Variants in MACROD2 observed in about 807,000 individuals in gnomAD.
The protein encoded by MACROD2 is ADP-ribose glycohydrolase MACROD2.
In MACROD2, 36 loss-of-function variants were observed where a neutral mutation model predicts 70.4. The observed-to-expected ratio is 0.51, with a 90% CI of 0.39 to 0.68. The LOEUF is 0.68. Among genes scored for constraint, MACROD2 ranks in the 30% least tolerant of loss-of-function variants. MACROD2 has a pLI of 0.00. For missense variants in MACROD2, 496 were observed against 538.4 expected (o/e 0.92, Z 0.78); for synonymous variants, 172 against 178.8 (o/e 0.96, Z 0.30).
At chr20:15,803,373 T>G (rs934213045) in intron 8 of MACROD2, among the ~76,000 whole-genome samples, 1 of 152,064 alleles carries the variant, frequency 6.6e-6, no homozygotes, top group African/African-American at 2.4e-5. Flanking sequence ...TAGTGTAGGA[T>G]TTTATTAATT....
At chr20:16,028,385 A>ATTG (rs2067108802) in intron 15 of MACROD2, among the ~76,000 whole-genome samples, 1 of 146,546 alleles carries the variant, frequency 6.8e-6, no homozygotes, top group Non-Finnish European at 1.5e-5. Context: ...CCTGGTGGAC[A>ATTG]TTTTTTTTTT....
At chr20:14,318,533 A>G (rs776845322) in intron 3 of MACROD2, among the ~76,000 whole-genome samples, 7 of 152,222 alleles carry the variant, frequency 4.6e-5, no homozygotes, top group Non-Finnish European at 1.0e-4. Context: ...GAAAGTTTAC[A>G]TGAGTAAAAA....
chr20:14,037,581 T>G (rs1436657846), intron 2 of MACROD2, among the ~76,000 whole-genome samples: 12 of 152,226 alleles, frequency 7.9e-5, no homozygotes, highest in Admixed American at 7.8e-4. Context: ...GGATATTTTA[T>G]TTTTGAATTT....
chr20:14,810,976 A>G (rs893674003), intron 5 of MACROD2, among the ~76,000 whole-genome samples: 1 of 152,138 alleles, frequency 6.6e-6, no homozygotes, highest in African/African-American at 2.4e-5. Flanking sequence ...ATGCTCATGG[A>G]TAGGAAGAAT....
chr20:14,988,494 C>G (rs184641228), intron 5 of MACROD2, among the ~76,000 whole-genome samples: 1 of 152,174 alleles, frequency 6.6e-6, no homozygotes, highest in East Asian at 1.9e-4. Context: ...GCATTTGACT[C>G]TCTTACAGAT....
intron 5 of MACROD2, among the ~76,000 whole-genome samples, chr20:14,797,553 T>G (rs936543665): frequency 4.6e-5 from 7 of 152,024 alleles, no homozygotes; most frequent in Admixed American, 4.6e-4. Context: ...TCTCCGTTCT[T>G]TCTCACCTAG....
chr20:15,876,111 A>ATATATATATATATATATG lies in MACROD2; in HGVS notation c.728-9652_728-9651insATATATATATATATATGT, dbSNP rs1555789655. Among the ~76,000 whole-genome samples, 290 of 138,782 alleles carry ATATATATATATATATATG rather than the reference A, an allele frequency of 2.1e-3. 2 individuals carry two copies. Among genetic ancestry groups the ATATATATATATATATATG allele is most frequent in the African/African-American group, 4.5e-3 (156 of 34,760 alleles). 91.0% of individuals were successfully genotyped at this position (138,782 alleles called of 152,430 possible). A position where few individuals can be genotyped will look rare whatever the true frequency, so the allele number is the denominator to read the frequency against. On this transcript the variant is annotated intron_variant, in intron 9 of 17. Transcript: ENST00000684519. ...GTCTTTTATATATATATATATATAT[A>ATATATATATATATATATG]TGTGTGTATTTTTTTTATTACACTG...
chr20:15,660,501 C>T (rs1403841595), intron 8 of MACROD2, among the ~76,000 whole-genome samples: 1 of 152,070 alleles, frequency 6.6e-6, no homozygotes, highest in Non-Finnish European at 1.5e-5. Context: ...TTCAAAAGCA[C>T]AACAGCAGGA....
chr20:15,383,244 A>T (rs4344978), intron 6 of MACROD2, among the ~76,000 whole-genome samples: 54,887 of 152,112 alleles, frequency 0.36, 14,428 homozygotes, highest in African/African-American at 0.75. Context: ...ATCCCCAAAC[A>T]TGTTTAAGGA....
intron 8 of MACROD2, among the ~76,000 whole-genome samples, chr20:15,567,419 A>G (rs1327324578): frequency 6.6e-6 from 1 of 152,212 alleles, no homozygotes. Context: ...CATGTGGCTC[A>G]GCACTTGAGA....
chr20:14,093,222 A>G (rs1331048324), intron 3 of MACROD2, among the ~76,000 whole-genome samples: 8 of 151,478 alleles, frequency 5.3e-5, no homozygotes, highest in Non-Finnish European at 5.9e-5. Context: ...TAGGACTACA[A>G]GCACGTGCCA....
chr20:14,529,725 G>A (rs1394686598), intron 4 of MACROD2, among the ~76,000 whole-genome samples: 2 of 152,092 alleles, frequency 1.3e-5, no homozygotes, highest in Non-Finnish European at 2.9e-5. Context: ...TTGGGATTTT[G>A]GTAAAAGAAG....
intron 10 of MACROD2, among the ~76,000 whole-genome samples, chr20:15,890,827 C>T (rs941390761): frequency 2.0e-5 from 3 of 152,042 alleles, no homozygotes; most frequent in African/African-American, 7.2e-5. Context: ...AATCCTGGCA[C>T]GAAGGCGACA....
At chr20:15,924,729 T>A (rs1230765448) in intron 10 of MACROD2, among the ~76,000 whole-genome samples, 1 of 152,228 alleles carries the variant, frequency 6.6e-6, no homozygotes, top group Non-Finnish European at 1.5e-5. Context: ...TTGAATTTAT[T>A]CATGGGATGA....
chr20:15,250,856 A>G (rs1429388234), intron 6 of MACROD2, among the ~76,000 whole-genome samples: 2 of 152,194 alleles, frequency 1.3e-5, no homozygotes, highest in African/African-American at 4.8e-5. Flanking sequence ...TGCCCTGCTA[A>G]TTATTGGATC....
chr20:15,339,971 G>A (rs1156895952), intron 6 of MACROD2, among the ~76,000 whole-genome samples: 1 of 148,236 alleles, frequency 6.7e-6, no homozygotes, highest in African/African-American at 2.6e-5. Context: ...AATAAGTCAT[G>A]TAGGAAAGCC....
At position 15,048,484 on chromosome 20, in the gene MACROD2, G is replaced by A. The variant is rs969170013; in HGVS notation, c.419-181456G>A. 5.3e-5 allele frequency among the ~76,000 whole-genome samples: 8 copies of A among 151,190 alleles called. No individual in the cohort carries two copies. The East Asian group carries it at 7.7e-4, about 15-fold the overall frequency. ...TCTGTAAAAAAAAAAAATGAGTATAGTATCTACGTGCCTACCTTACAGGGT... is the reference window on the plus strand; with the variant it reads ...TCTGTAAAAAAAAAAAATGAGTATAATATCTACGTGCCTACCTTACAGGGT... On this transcript the variant is annotated intron_variant, in intron 5 of 17. Coordinates refer to ENST00000684519, the MANE Select transcript of MACROD2 (RefSeq NM_001351661.2).
chr20:14,819,042 A>C (rs1433049291), intron 5 of MACROD2, among the ~76,000 whole-genome samples: 2 of 151,698 alleles, frequency 1.3e-5, no homozygotes, highest in Non-Finnish European at 2.9e-5. Context: ...AGGTGGGTGG[A>C]TCACTTGAGG....
intron 15 of MACROD2, among the ~76,000 whole-genome samples, chr20:16,020,109 G>A (rs1310761654): frequency 2.6e-5 from 4 of 152,062 alleles, no homozygotes; most frequent in South Asian, 2.1e-4. Flanking sequence ...AAACTTCCAC[G>A]GGTCCCATGG....
Sources: allele counts gnomAD v4.1 joint callset (sites outside exome capture counted in the v4.1 genomes callset), GRCh38; gene constraint gnomAD v4.1.1; transcripts MANE v1.5; gene names NCBI Gene and HGNC (gene_info 2026-07-23, HGNC 2026-07-21).